The following ATP11C variants were observed in gnomAD, a reference collection of about 807,000 sequenced individuals.
The protein encoded by ATP11C is phospholipid-transporting ATPase IG.
In ATP11C, 36 loss-of-function variants were observed where a neutral mutation model predicts 97.4. The ratio of observed to expected loss-of-function variants is 0.37; its 90% CI spans 0.28 to 0.49. ATP11C has a LOEUF of 0.49. ATP11C is among the 20% of genes least tolerant of loss of function. ATP11C has a pLI of 0.98. For synonymous variants in ATP11C, 275 were observed against 290.9 expected (o/e 0.95, Z 0.56); for missense variants, 730 against 824.6 (o/e 0.89, Z 1.40).
intron 1 of ATP11C, among the ~76,000 whole-genome samples, chrX:139,851,998 G>A (rs2083996911): frequency 9.0e-6 from 1 of 110,674 alleles, no homozygotes; most frequent in Non-Finnish European, 1.9e-5. Context: ...GAGACTCTGG[G>A]ATTTGGAGTT....
At chrX:139,742,527 C>T (rs2081579121) in intron 26 of ATP11C, among the ~76,000 whole-genome samples, 1 of 111,507 alleles carries the variant, frequency 9.0e-6, no homozygotes, top group Non-Finnish European at 1.9e-5. Flanking sequence ...GACAATTATA[C>T]TTCTGAATTC....
At chrX:139,759,922 A>G (rs1291006762) in intron 22 of ATP11C, among the ~76,000 whole-genome samples, 3 of 112,070 alleles carry the variant, frequency 2.7e-5, no homozygotes, top group Non-Finnish European at 5.6e-5. Context: ...AAGAGGCAAA[A>G]TAAGCCTCTG....
At chrX:139,730,895 C>T (rs749029558) in intron 29 of ATP11C, among the ~76,000 whole-genome samples, 2 of 111,129 alleles carry the variant, frequency 1.8e-5, no homozygotes, top group Non-Finnish European at 3.8e-5. Context: ...AGGGGCCCTC[C>T]CACGGCGTAT....
At chrX:139,829,066 G>T (rs924929092) in intron 1 of ATP11C, among the ~76,000 whole-genome samples, 1 of 112,069 alleles carries the variant, frequency 8.9e-6, no homozygotes, top group African/African-American at 3.2e-5. Flanking sequence ...AAAATGGATT[G>T]AAATTACTAT....
chrX:139,837,680 A>G (rs1317750658), intron 1 of ATP11C, among the ~76,000 whole-genome samples: 16 of 112,447 alleles, frequency 1.4e-4, no homozygotes, highest in African/African-American at 3.9e-4. Flanking sequence ...TCCTCAAAGA[A>G]TGGAATTAAA....
chrX:139,761,942 C>A lies in ATP11C; in HGVS notation c.2640+19G>T. Reference sequence around the variant, plus strand: ...GCTGGATTAAAAAGAAATTAAATTACATATATTTTATCACATACCTTATAG... The same window carrying A: ...GCTGGATTAAAAAGAAATTAAATTAAATATATTTTATCACATACCTTATAG... On this transcript the variant is annotated intron_variant, in intron 22 of 29. Coordinates refer to ENST00000682941, the MANE Select transcript of ATP11C (RefSeq NM_001353812.2). 9.3e-7 allele frequency: 1 copy of A among 1,071,994 alleles called. No individual in the cohort carries two copies. The highest frequency in any genetic ancestry group is 1.2e-6 in the Non-Finnish European group (1 of 804,654). The allele number at this position is 1,071,994 out of a possible 1,213,427, so 88.3% of individuals were successfully genotyped here.
Position 139,741,182 on chromosome X carries a change from ATACC to A in ATP11C, c.3031-92_3031-89del. The A allele has an allele frequency of 7.2e-6, 4 of 557,173 alleles. No individual in the cohort carries two copies. In the South Asian group the frequency reaches 8.6e-5, roughly 12 times the overall value. The allele number at this position is 557,173 out of a possible 1,213,427, so 45.9% of individuals were successfully genotyped here. ...AGTATCTGATAACTAGTACACAATG[ATACC>A]TATGAAAGGATCTAGCTTGGGCCAG... On this transcript the variant is annotated intron_variant, in intron 26 of 29. Coordinates refer to ENST00000682941, the MANE Select transcript of ATP11C (RefSeq NM_001353812.2).
intron 1 of ATP11C, among the ~76,000 whole-genome samples, chrX:139,876,073 C>A (rs2084466965): frequency 9.0e-6 from 1 of 111,703 alleles, no homozygotes; most frequent in African/African-American, 3.3e-5. Flanking sequence ...AAACTGCTGA[C>A]CTTCAGTTAC....
chrX:139,912,314 T>A (rs2148139410), intron 1 of ATP11C, among the ~76,000 whole-genome samples: 1 of 110,721 alleles, frequency 9.0e-6, no homozygotes, highest in South Asian at 3.8e-4. Flanking sequence ...AATAGAATGA[T>A]TATTACAAAA....
At chrX:139,779,915 G>T (rs891886865) in intron 18 of ATP11C, among the ~76,000 whole-genome samples, 1 of 111,812 alleles carries the variant, frequency 8.9e-6, no homozygotes, top group Middle Eastern at 4.2e-3. Flanking sequence ...GATCCTCAGA[G>T]ACTATTATGA....
At chrX:139,800,279 T>C (rs952235278) in intron 7 of ATP11C, among the ~76,000 whole-genome samples, 169 bp from the exon 8 acceptor site, 1 of 111,680 alleles carries the variant, frequency 9.0e-6, no homozygotes, top group Non-Finnish European at 1.9e-5. Flanking sequence ...TATGTTGAAT[T>C]GATAAGGTGT....
intron 20 of ATP11C, among the ~76,000 whole-genome samples, chrX:139,766,104 T>C (rs2082129654): frequency 8.9e-6 from 1 of 112,198 alleles, no homozygotes; most frequent in Non-Finnish European, 1.9e-5. Context: ...CCCAAGAATA[T>C]GTGTTTGGGA....
At chrX:139,815,914 A>C (rs181413448) in intron 4 of ATP11C, among the ~76,000 whole-genome samples, 1 of 111,436 alleles carries the variant, frequency 9.0e-6, no homozygotes, top group Admixed American at 9.6e-5. Context: ...CCTAACATGA[A>C]CCAGTATTGG....
At chrX:139,752,157 T>C (rs1454573324) in intron 23 of ATP11C, among the ~76,000 whole-genome samples, 1 of 111,495 alleles carries the variant, frequency 9.0e-6, no homozygotes, top group Non-Finnish European at 1.9e-5. Flanking sequence ...TGTCACCTCA[T>C]CAGAGAGACC....
At chrX:139,881,974 G>GA (rs940080377) in intron 1 of ATP11C, among the ~76,000 whole-genome samples, 5 of 111,304 alleles carry the variant, frequency 4.5e-5, no homozygotes, top group African/African-American at 1.6e-4. Flanking sequence ...CTTATTTGGG[G>GA]AAAAAAGACA....
chrX:139,801,226 G>A (rs1414474627), intron 7 of ATP11C, among the ~76,000 whole-genome samples: 1 of 112,236 alleles, frequency 8.9e-6, no homozygotes, highest in African/African-American at 3.2e-5. Flanking sequence ...TCCCTTTTCT[G>A]TGATTCCATA....
chrX:139,874,508 G>C (rs2084435838), intron 1 of ATP11C, among the ~76,000 whole-genome samples: 1 of 111,889 alleles, frequency 8.9e-6, no homozygotes, highest in African/African-American at 3.2e-5. Flanking sequence ...AAAGAGAAAT[G>C]CATTTGTTCC....
intron 19 of ATP11C, among the ~76,000 whole-genome samples, chrX:139,769,281 C>CATATATATATATATAT (rs55984113): frequency 2.1e-3 from 60 of 28,070 alleles, no homozygotes; most frequent in Admixed American, 2.3e-3. Flanking sequence ...GGCAAACATA[C>CATATATATATATATAT]ATATATATAT....
chrX:139,935,876 G>A (rs773078220), upstream of ATP11C, among the ~76,000 whole-genome samples: 14 of 110,980 alleles, frequency 1.3e-4, no homozygotes, highest in African/African-American at 4.6e-4. Context: ...TGTAATCCCA[G>A]CTACTCGGGA....
Sources: allele counts gnomAD v4.1 joint callset (sites outside exome capture counted in the v4.1 genomes callset), GRCh38; gene constraint gnomAD v4.1.1; transcripts MANE v1.5; gene names NCBI Gene and HGNC (gene_info 2026-07-23, HGNC 2026-07-21).